RDX: variants seen among roughly 807,000 people sequenced by gnomAD.
RDX encodes deafness, autosomal recessive 24.
RDX carries 32 observed loss-of-function variants against 83.7 expected under a neutral mutation model. The observed-to-expected ratio is 0.38, with a 90% confidence interval of 0.29 to 0.51. The LOEUF (loss-of-function observed/expected upper bound fraction) is 0.51, where lower values mean the gene tolerates loss of function less well. RDX is among the 20% of genes least tolerant of loss of function. RDX has a pLI of 0.87. For synonymous variants in RDX, 229 were observed against 222.7 expected, an observed-to-expected ratio of 1.03 and a Z score of -0.25; for missense variants, 600 against 689.9, an observed-to-expected ratio of 0.87 and a Z score of 1.46.
At chr11:110,218,701 GACTCGATAT>G (rs1359905326) in intron 14 of RDX, among the ~76,000 whole-genome samples, 7 of 152,166 alleles carry the variant, frequency 4.6e-5, no homozygotes, top group Non-Finnish European at 8.8e-5. Flanking sequence ...ATCCTTCTGT[GACTCGATAT>G]ATTTGCATAT....
At chr11:110,200,116 T>C (rs968368790) in intron 14 of RDX, among the ~76,000 whole-genome samples, 1 of 152,190 alleles carries the variant, frequency 6.6e-6, no homozygotes, top group Non-Finnish European at 1.5e-5. Context: ...AACCGAGGCA[T>C]TGTTAAAGTT....
At chr11:110,295,929 C>T (rs2134466850) in intron 1 of RDX, among the ~76,000 whole-genome samples, 1 of 152,360 alleles carries the variant, frequency 6.6e-6, no homozygotes, top group East Asian at 1.9e-4. Context: ...CCCTTTGCCA[C>T]TGGGGCGGAA....
chr11:110,253,754 T>G lies in RDX; in HGVS notation c.959+192A>C, dbSNP rs762162085. ...AAAAAGCTATTTTCTTCGAGATATG[T>G]GTCAAAGATTTCTAACTTGAAAATT... On this transcript the variant is annotated intron_variant, in intron 9 of 13. Transcript: ENST00000645495. 2.6e-5 allele frequency: 15 copies of G among 584,648 alleles called. No individual in the cohort carries two copies. In the Middle Eastern group the frequency reaches 1.8e-3, roughly 70 times the overall value. 36.2% of individuals were successfully genotyped at this position (584,648 alleles called of 1,614,324 possible).
intron 15 of RDX, among the ~76,000 whole-genome samples, chr11:110,189,242 G>GAAAAAAAAAAAAAAAAAAA (rs1565282257): frequency 2.6e-5 from 1 of 38,000 alleles, no homozygotes; most frequent in African/African-American, 1.2e-4. Flanking sequence ...TGAACAACAG[G>GAAAAAAAAAAAAAAAAAAA]TAAAAAAAAA....
At chr11:110,220,617 G>C (rs1864209852) in intron 14 of RDX, among the ~76,000 whole-genome samples, 1 of 152,136 alleles carries the variant, frequency 6.6e-6, no homozygotes, top group African/African-American at 2.4e-5. Context: ...TCCTGCCTCA[G>C]CCTCCTGAGT....
chr11:110,181,010 G>A (rs534872707), intron 15 of RDX, among the ~76,000 whole-genome samples: 69 of 152,110 alleles, frequency 4.5e-4, no homozygotes, highest in African/African-American at 1.4e-3. Flanking sequence ...TGTTTGCTCC[G>A]TTCACATATG....
rs138197695 is a variant in RDX, at chr11:110,279,865, G to GT, written c.-64-110dup. ...AAATATTTGAAAAGGTGGATTTAAA[G>GT]TAACAAGGAGTGATTTCATTCTCAT... On this transcript the variant is annotated intron_variant, in intron 1 of 13. Coordinates refer to ENST00000645495, the MANE Select transcript of RDX (RefSeq NM_002906.4). 0.024 allele frequency: 12,998 copies of GT among 541,424 alleles called. 318 individuals are homozygous for GT. The highest frequency in any genetic ancestry group is 0.086 in the East Asian group (2,829 of 32,726). The allele number at this position is 541,424 out of a possible 1,614,324, so 33.5% of individuals were successfully genotyped here. A position where few individuals can be genotyped will look rare whatever the true frequency, so the allele number is the denominator to read the frequency against.
intron 1 of RDX, 126 bp downstream of exon 1, chr11:110,296,341 C>A (rs1483247384): frequency 1.3e-5 from 2 of 151,820 alleles, no homozygotes; most frequent in African/African-American, 2.4e-5. Flanking sequence ...CGAGCGGAGG[C>A]GCGCCAAGCC....
chr11:110,292,670 A>C (rs1174974351), intron 1 of RDX, among the ~76,000 whole-genome samples: 1 of 152,166 alleles, frequency 6.6e-6, no homozygotes, highest in Non-Finnish European at 1.5e-5. Flanking sequence ...AAAACATTTA[A>C]GGTCCTGAAA....
chr11:110,189,846 G>A (rs987928357), intron 15 of RDX, among the ~76,000 whole-genome samples: 2 of 152,214 alleles, frequency 1.3e-5, no homozygotes, highest in African/African-American at 4.8e-5. Flanking sequence ...CACTTTGGGA[G>A]GCCGAGGTGG....
chr11:110,186,325 A>G (rs60077580), intron 15 of RDX, among the ~76,000 whole-genome samples: 8,900 of 152,200 alleles, frequency 0.058, 872 homozygotes, highest in African/African-American at 0.2. Context: ...AGTGAGAGCC[A>G]AGTATGTTCT....
chr11:110,199,185 A>G (rs1035773006), intron 15 of RDX, among the ~76,000 whole-genome samples: 7 of 152,208 alleles, frequency 4.6e-5, no homozygotes, highest in African/African-American at 7.2e-5. Flanking sequence ...AACTTGCACC[A>G]TAATACTTTC....
At chr11:110,294,185 A>C (rs1018710600) in intron 1 of RDX, among the ~76,000 whole-genome samples, 3 of 152,276 alleles carry the variant, frequency 2.0e-5, no homozygotes, top group African/African-American at 7.2e-5. Flanking sequence ...CCGGAGGTCC[A>C]GGAGTTCCAG....
At chr11:110,284,195 T>C (rs1027660170) in intron 1 of RDX, among the ~76,000 whole-genome samples, 5 of 152,358 alleles carry the variant, frequency 3.3e-5, no homozygotes, top group African/African-American at 1.2e-4. Flanking sequence ...AGAGAATACA[T>C]AACAAAAGCT....
intron 3 of RDX, among the ~76,000 whole-genome samples, chr11:110,265,461 TTATC>T (rs1859996526): frequency 6.6e-6 from 1 of 151,348 alleles, no homozygotes; most frequent in Non-Finnish European, 1.5e-5. Context: ...CTCCTTTTCC[TTATC>T]TATCATGACC....
At chr11:110,183,845 G>A (rs1157041237) in intron 15 of RDX, among the ~76,000 whole-genome samples, 1 of 152,222 alleles carries the variant, frequency 6.6e-6, no homozygotes, top group Non-Finnish European at 1.5e-5. Context: ...GCAGGAGTAG[G>A]CAAGACCTAC....
At chr11:110,282,856 A>G (rs1168174265) in intron 1 of RDX, among the ~76,000 whole-genome samples, 1 of 152,218 alleles carries the variant, frequency 6.6e-6, no homozygotes, top group Admixed American at 6.5e-5. Context: ...GTGCACATGT[A>G]GTCCTAGCTA....
chr11:110,264,789 AGTTT>A lies in RDX; in HGVS notation c.178_181del (p.Lys60Ter). 1 of 1,607,908 alleles carries A rather than the reference AGTTT, an allele frequency of 6.2e-7. No homozygotes were observed. Among genetic ancestry groups the A allele is most frequent in the Non-Finnish European group, 8.5e-7 (1 of 1,174,750 alleles). ...TCGTACATATTTTACCTTTTTATTTAGTTTAAGCCATGTAGAATAACCTTTGCTG... is the reference window on the plus strand; with the variant it reads ...TCGTACATATTTTACCTTTTTATTTAAAGCCATGTAGAATAACCTTTGCTG... On this transcript the variant is annotated frameshift_variant, in exon 4 of 14. Transcript: ENST00000645495. LOFTEE classifies it high-confidence loss of function.
intron 15 of RDX, among the ~76,000 whole-genome samples, chr11:110,180,803 T>C (rs1862872080): frequency 6.6e-6 from 1 of 152,114 alleles, no homozygotes; most frequent in African/African-American, 2.4e-5. Flanking sequence ...TCTCTCACTT[T>C]GGGTATCTGC....
Sources: allele counts gnomAD v4.1 joint callset (sites outside exome capture counted in the v4.1 genomes callset), GRCh38; gene constraint gnomAD v4.1.1; transcripts MANE v1.5; gene names NCBI Gene and HGNC (gene_info 2026-07-23, HGNC 2026-07-21).